EPHA6: variants seen among roughly 807,000 people sequenced by gnomAD.
EPHA6 encodes ephrin type-A receptor 6.
A neutral mutation model predicts 112.0 loss-of-function variants in EPHA6; 50 were observed. That is an observed-to-expected ratio of 0.45 (90% CI 0.36 to 0.56). EPHA6 has a LOEUF of 0.56. Among genes scored for constraint, EPHA6 ranks in the 20% least tolerant of loss-of-function variants. The pLI is 0.00. For synonymous variants in EPHA6, 529 were observed against 490.7 expected, an observed-to-expected ratio of 1.08 and a Z score of -1.03; for missense variants, 1,280 against 1,417.4, an observed-to-expected ratio of 0.90 and a Z score of 1.56.
intron 1 of EPHA6, among the ~76,000 whole-genome samples, chr3:96,855,963 A>G (rs1576155308): frequency 6.6e-6 from 1 of 152,102 alleles, no homozygotes; most frequent in Admixed American, 6.5e-5. Context: ...ACCTGTAATC[A>G]CAGCACTTTG....
chr3:96,898,723 G>C (rs192285362), intron 2 of EPHA6, among the ~76,000 whole-genome samples: 1 of 152,116 alleles, frequency 6.6e-6, no homozygotes, highest in East Asian at 1.9e-4. Flanking sequence ...ATCACAGACT[G>C]ATTGGCTTAA....
intron 11 of EPHA6, among the ~76,000 whole-genome samples, chr3:97,538,220 A>G (rs2092790175): frequency 6.6e-6 from 1 of 152,164 alleles, no homozygotes; most frequent in South Asian, 2.1e-4. Context: ...AATAGAGTAA[A>G]GAAGTCAAGA....
At chr3:96,963,355 A>G (rs1457363471) in intron 2 of EPHA6, among the ~76,000 whole-genome samples, 1 of 152,140 alleles carries the variant, frequency 6.6e-6, no homozygotes, top group Non-Finnish European at 1.5e-5. Context: ...TTGGATTTCC[A>G]TCCCCTCATG....
chr3:97,416,302 C>G (rs945689156), intron 6 of EPHA6, among the ~76,000 whole-genome samples: 5 of 152,004 alleles, frequency 3.3e-5, no homozygotes, highest in Non-Finnish European at 5.9e-5. Context: ...AAATCCAAGA[C>G]TTTTTGGCAA....
chr3:97,554,556 G>A (rs1300589987), intron 11 of EPHA6, among the ~76,000 whole-genome samples: 2 of 151,946 alleles, frequency 1.3e-5, no homozygotes, highest in African/African-American at 4.8e-5. Context: ...GCTTTTTGGT[G>A]GGTCCATAAT....
chr3:97,446,310 A>C (rs1156789733), intron 6 of EPHA6, among the ~76,000 whole-genome samples: 1,957 of 152,254 alleles, frequency 0.013, 34 homozygotes, highest in African/African-American at 0.044. Context: ...CGGGCTGAAG[A>C]ACCCCTTAAG....
In EPHA6 at chr3:97,455,569, G is replaced by A. The variant is rs184067898; in HGVS notation, c.1894+6839G>A. Among the ~76,000 whole-genome samples the A allele has an allele frequency of 2.6e-4, 40 of 151,568 alleles. 1 individual carries two copies. The East Asian group carries it at 5.8e-3, about 22-fold the overall frequency. On this transcript the variant is annotated intron_variant, in intron 7 of 17. Coordinates refer to ENST00000389672, the MANE Select transcript of EPHA6 (RefSeq NM_001080448.3). Reference sequence around the variant, plus strand: ...TATTTTTTATTATTACCTCCAATTCGTCACCCTCCCTTAATTACTTATATT... The same window carrying A: ...TATTTTTTATTATTACCTCCAATTCATCACCCTCCCTTAATTACTTATATT...
At chr3:97,425,498 A>G (rs941903214) in intron 6 of EPHA6, among the ~76,000 whole-genome samples, 4 of 152,166 alleles carry the variant, frequency 2.6e-5, no homozygotes, top group South Asian at 4.1e-4. Context: ...AGTGGCTGGG[A>G]TGCAGGGCAC....
intron 4 of EPHA6, among the ~76,000 whole-genome samples, chr3:97,234,888 C>T (rs1435984580): frequency 6.6e-5 from 10 of 151,988 alleles, no homozygotes; most frequent in Non-Finnish European, 1.2e-4. Flanking sequence ...GATCTGACAA[C>T]CTGTATGTCC....
intron 3 of EPHA6, among the ~76,000 whole-genome samples, chr3:97,142,581 T>G (rs752468966): frequency 6.6e-6 from 1 of 151,922 alleles, no homozygotes; most frequent in Non-Finnish European, 1.5e-5. Flanking sequence ...CAGGTAAATT[T>G]CTGGAAACAT....
At chr3:97,505,916 T>A (rs147844409) in intron 10 of EPHA6, among the ~76,000 whole-genome samples, 18,621 of 152,274 alleles carry the variant, frequency 0.12, 1,416 homozygotes, top group Admixed American at 0.23. Flanking sequence ...TGGTTTTGAT[T>A]TGCATTTCTC....
chr3:97,242,893 T>A (rs886188527), intron 4 of EPHA6, among the ~76,000 whole-genome samples: 1 of 151,798 alleles, frequency 6.6e-6, no homozygotes, highest in African/African-American at 2.4e-5. Flanking sequence ...TTTCTAAATA[T>A]CTCTCATAAG....
chr3:97,411,883 G>T (rs1246766199), intron 6 of EPHA6, among the ~76,000 whole-genome samples: 1 of 152,010 alleles, frequency 6.6e-6, no homozygotes, highest in Non-Finnish European at 1.5e-5. Flanking sequence ...TAAACTCAGG[G>T]GGAGTCGCTT....
intron 5 of EPHA6, among the ~76,000 whole-genome samples, chr3:97,367,896 T>C (rs1428129214): frequency 6.6e-6 from 1 of 152,172 alleles, no homozygotes; most frequent in East Asian, 1.9e-4. Flanking sequence ...ATTTAAAATA[T>C]AGAAGGCCAA....
chr3:97,525,726 C>T (rs2092609236), intron 10 of EPHA6, among the ~76,000 whole-genome samples: 1 of 152,148 alleles, frequency 6.6e-6, no homozygotes, highest in East Asian at 1.9e-4. Flanking sequence ...AGGTCTTGTG[C>T]CTGATACTGG....
chr3:97,261,732 G>C (rs879759196), intron 5 of EPHA6, among the ~76,000 whole-genome samples: 1 of 152,010 alleles, frequency 6.6e-6, no homozygotes, highest in Non-Finnish European at 1.5e-5. Context: ...TTATTCAATG[G>C]GATAAAGTCA....
chr3:97,172,555 A>T (rs1415117777), intron 3 of EPHA6, among the ~76,000 whole-genome samples: 2 of 152,056 alleles, frequency 1.3e-5, no homozygotes, highest in Non-Finnish European at 2.9e-5. Context: ...AACTTTAAGC[A>T]AATGAAAACT....
rs78990977 is a variant in EPHA6 at position 97,367,201 on chromosome 3, T to C, written c.1607-37949T>C. 2.0e-4 allele frequency among the ~76,000 whole-genome samples: 30 copies of C among 152,334 alleles called. 1 individual carries two copies. The East Asian group carries it at 5.8e-3, about 29-fold the overall frequency. Reference sequence around the variant, plus strand: ...TTGAAATCTATTGTGTTACATACACTACAGTAATACAGTATTATATTAATG... The same window carrying C: ...TTGAAATCTATTGTGTTACATACACCACAGTAATACAGTATTATATTAATG... On this transcript the variant is annotated intron_variant, in intron 5 of 17. Coordinates refer to ENST00000389672, the MANE Select transcript of EPHA6 (RefSeq NM_001080448.3).
At chr3:97,021,413 C>T (rs2044454999) in intron 3 of EPHA6, among the ~76,000 whole-genome samples, 1 of 152,218 alleles carries the variant, frequency 6.6e-6, no homozygotes, top group Non-Finnish European at 1.5e-5. Flanking sequence ...CTGTTATTCC[C>T]ATCACTCATT....
Sources: allele counts gnomAD v4.1 joint callset (sites outside exome capture counted in the v4.1 genomes callset), GRCh38; gene constraint gnomAD v4.1.1; transcripts MANE v1.5; gene names NCBI Gene and HGNC (gene_info 2026-07-23, HGNC 2026-07-21).